SORCS3: variants seen among roughly 807,000 people sequenced by gnomAD.
SORCS3 encodes the protein sortilin related VPS10 domain containing receptor 3, also known as VPS10 domain-containing receptor SorCS3.
SORCS3 carries 57 observed loss-of-function variants against 146.3 expected under a neutral mutation model. That is an observed-to-expected ratio of 0.39 (90% confidence interval 0.31 to 0.49). The LOEUF (loss-of-function observed/expected upper bound fraction) is 0.49, where lower values mean the gene tolerates loss of function less well. Ranked by LOEUF, SORCS3 falls within the 20% of genes least tolerant of loss-of-function variation. The probability of loss-of-function intolerance (pLI) is 0.92; values close to 1 mark genes in which losing one functional copy is unlikely to be tolerated. For synonymous variants in SORCS3, 653 were observed against 618.5 expected, an observed-to-expected ratio of 1.06 and a Z score of -0.83; for missense variants, 1,341 against 1,575.5, an observed-to-expected ratio of 0.85 and a Z score of 2.52.
rs376151990 is a variant in SORCS3, at chr10:104,847,321, T to A, written c.695+4462T>A. Among the ~76,000 whole-genome samples, 14 of 152,236 alleles carry A rather than the reference T, an allele frequency of 9.2e-5. No individual in the cohort carries two copies. The East Asian group carries it at 2.7e-3, about 29-fold the overall frequency. ...TCCTGGTGAGGATTTATGTTTCTGATTGGCAGATCGTTTCTTGGACTCATT... is the reference window on the plus strand; with the variant it reads ...TCCTGGTGAGGATTTATGTTTCTGAATGGCAGATCGTTTCTTGGACTCATT... On this transcript the variant is annotated intron_variant, in intron 2 of 26. Transcript: ENST00000369701.
At chr10:104,708,415 A>G (rs1437483702) in intron 1 of SORCS3, among the ~76,000 whole-genome samples, 1 of 152,144 alleles carries the variant, frequency 6.6e-6, no homozygotes, top group Non-Finnish European at 1.5e-5. Flanking sequence ...CCTTTCTCCC[A>G]AGAGACCCAG....
intron 7 of SORCS3, among the ~76,000 whole-genome samples, chr10:105,107,194 A>G (rs929643997): frequency 6.6e-6 from 1 of 152,170 alleles, no homozygotes; most frequent in Non-Finnish European, 1.5e-5. Flanking sequence ...CTGTGTTGCC[A>G]AATTAAATGA....
intron 4 of SORCS3, among the ~76,000 whole-genome samples, chr10:105,005,327 T>C (rs1319430326): frequency 2.0e-5 from 3 of 152,326 alleles, no homozygotes; most frequent in Non-Finnish European, 4.4e-5. Flanking sequence ...AACATGGAAC[T>C]ACACAAATTT....
At chr10:104,865,870 A>G (rs1049271887) in intron 2 of SORCS3, among the ~76,000 whole-genome samples, 2 of 152,254 alleles carry the variant, frequency 1.3e-5, no homozygotes, top group Non-Finnish European at 2.9e-5. Context: ...TCTTTGCGAG[A>G]TAGTACTTCA....
intron 1 of SORCS3, among the ~76,000 whole-genome samples, chr10:104,753,056 T>C (rs1198861707): frequency 1.3e-5 from 2 of 152,236 alleles, no homozygotes; most frequent in East Asian, 1.9e-4. Context: ...TAAACTCTTC[T>C]AGTAATTTAT....
At chr10:105,037,712 A>C (rs531806057) in intron 4 of SORCS3, among the ~76,000 whole-genome samples, 2 of 152,324 alleles carry the variant, frequency 1.3e-5, no homozygotes, top group South Asian at 4.1e-4. Flanking sequence ...ACTTGATTAC[A>C]TCTGCAAAGA....
chr10:104,734,669 A>G (rs918314595), intron 1 of SORCS3, among the ~76,000 whole-genome samples: 7 of 152,222 alleles, frequency 4.6e-5, no homozygotes, highest in African/African-American at 1.7e-4. Context: ...ACTTGGACAG[A>G]AGGGCTTAGC....
Position 104,869,383 on chromosome 10 carries a change from T to C in SORCS3, c.695+26524T>C, listed in dbSNP as rs2018493137. On this transcript the variant is annotated intron_variant, in intron 2 of 26. Coordinates refer to ENST00000369701, the MANE Select transcript of SORCS3 (RefSeq NM_014978.3). ...CAGGAAGAGAGACAGAATTCAACCT[T>C]CCTCTGCCTTTTTGTTGTATTCAGG... Among the ~76,000 whole-genome samples, 4 of 152,280 alleles carry C rather than the reference T, an allele frequency of 2.6e-5. 1 individual carries two copies. The South Asian group carries it at 8.3e-4, about 32-fold the overall frequency.
At chr10:105,185,301 G>A (rs942420923) in intron 14 of SORCS3, among the ~76,000 whole-genome samples, 10 of 152,088 alleles carry the variant, frequency 6.6e-5, no homozygotes, top group African/African-American at 2.4e-4. Context: ...ATCTTGCTTG[G>A]TGTGTACTTT....
At chr10:105,037,858 T>C (rs959473362) in intron 4 of SORCS3, among the ~76,000 whole-genome samples, 2 of 152,202 alleles carry the variant, frequency 1.3e-5, no homozygotes, top group African/African-American at 4.8e-5. Context: ...TGAACAGGCT[T>C]TCCGGGTACA....
intron 1 of SORCS3, among the ~76,000 whole-genome samples, chr10:104,832,750 T>TGAATAAAC: frequency 6.6e-6 from 1 of 151,862 alleles, no homozygotes; most frequent in Non-Finnish European, 1.5e-5. Flanking sequence ...AATAAATAAA[T>TGAATAAAC]GAACGAACGA....
chr10:105,078,480 C>T (rs1332654963), intron 5 of SORCS3, among the ~76,000 whole-genome samples: 1 of 151,610 alleles, frequency 6.6e-6, no homozygotes, highest in Non-Finnish European at 1.5e-5. Context: ...AATAGTTACA[C>T]AACTGGAAAT....
Position 105,157,195 on chromosome 10 carries a change from A to G in SORCS3, c.1540A>G (p.Thr514Ala). 6.2e-7 allele frequency: 1 copy of G among 1,614,088 alleles called. No homozygotes were observed. Among genetic ancestry groups the G allele is most frequent in the Non-Finnish European group, 8.5e-7 (1 of 1,179,972 alleles). ...ANKKVDDQVK[T>A]YITYNKGRDW... ...CAAGAAGGTGGACGACCAGGTGAAG[A>G]CATACATCACTTACAACAAAGGCAG... The change falls in exon 10 of 27, where the codon ACA becomes GCA. Residue 514 changes from threonine (T) to alanine (A), a missense_variant. Transcript: ENST00000369701.
intron 4 of SORCS3, among the ~76,000 whole-genome samples, chr10:104,978,292 G>T (rs918079334): frequency 1.3e-5 from 2 of 152,100 alleles, no homozygotes; most frequent in African/African-American, 4.8e-5. Context: ...TCTTAGTTGA[G>T]TTATAGAAGG....
intron 5 of SORCS3, among the ~76,000 whole-genome samples, chr10:105,054,193 A>G (rs937727212): frequency 8.6e-5 from 13 of 151,908 alleles, no homozygotes; most frequent in African/African-American, 3.1e-4. Context: ...TTTTGTTTCA[A>G]TATTATAACG....
intron 20 of SORCS3, among the ~76,000 whole-genome samples, chr10:105,236,575 A>G (rs2056794142): frequency 6.6e-6 from 1 of 152,144 alleles, no homozygotes; most frequent in Admixed American, 6.6e-5. Context: ...CAAGAAGGGC[A>G]GTTCTTGACT....
chr10:105,196,773 G>C (rs2119605736), intron 14 of SORCS3, among the ~76,000 whole-genome samples: 1 of 152,272 alleles, frequency 6.6e-6, no homozygotes, highest in African/African-American at 2.4e-5. Flanking sequence ...ACTGCAGTTT[G>C]GGTAGATGAA....
intron 6 of SORCS3, among the ~76,000 whole-genome samples, chr10:105,091,505 G>GCTTC (rs1371874375): frequency 4.4e-5 from 1 of 22,962 alleles, no homozygotes; most frequent in Non-Finnish European, 8.8e-5. Context: ...TTCCTTCCTT[G>GCTTC]CTTCCTTCCT....
intron 1 of SORCS3, chr10:104,822,019 T>C: frequency 2.0e-6 from 1 of 499,814 alleles, no homozygotes; most frequent in South Asian, 1.5e-5. Flanking sequence ...TTTCATACCA[T>C]CTCAGCCTAC....
Sources: gnomAD v4.1 joint callset for allele counts (sites outside exome capture counted in the v4.1 genomes callset) on GRCh38, gnomAD v4.1.1 for gene constraint, MANE v1.5 for transcripts, NCBI Gene and HGNC (gene_info 2026-07-23, HGNC 2026-07-21) for gene names.